CACNA1D: variants seen among roughly 807,000 people sequenced by gnomAD.
The protein encoded by CACNA1D is voltage-dependent L-type calcium channel subunit alpha-1D.
Under a neutral mutation model 257.1 loss-of-function variants are expected in CACNA1D, and 55 were observed. The observed-to-expected ratio is 0.21, with a 90% CI of 0.17 to 0.27. The LOEUF is 0.27. Among genes scored for constraint, CACNA1D ranks in the 10% least tolerant of loss-of-function variants. The pLI is 1.00. For missense variants in CACNA1D, 1,876 were observed against 2,784.0 expected (o/e 0.67, Z 7.34); for synonymous variants, 980 against 1,014.9 (o/e 0.97, Z 0.65).
chr3:53,592,194 C>T (rs550064895), intron 3 of CACNA1D, among the ~76,000 whole-genome samples: 9 of 152,272 alleles, frequency 5.9e-5, no homozygotes, highest in Middle Eastern at 3.4e-3. Flanking sequence ...GGTGGTGCTT[C>T]GATTCTAGCA....
At chr3:53,773,253 C>CAG in intron 33 of CACNA1D, 4 of 323,670 alleles carry the variant, frequency 1.2e-5, no homozygotes, top group Non-Finnish European at 1.7e-5. Flanking sequence ...CTGTGCCGAG[C>CAG]CGTCGCGGGA....
Position 53,495,076 on chromosome 3 carries a change from A to C in CACNA1D, c.-91A>C. The C allele has an allele frequency of 2.3e-6, 2 of 881,196 alleles. No homozygotes were observed. The highest frequency in any genetic ancestry group is 1.3e-5 in the South Asian group (1 of 77,058). 54.6% of individuals were successfully genotyped at this position (881,196 alleles called of 1,614,324 possible). A position where few individuals can be genotyped will look rare whatever the true frequency, so the allele number is the denominator to read the frequency against. ...AATAAGGGCAGGGACCGCGGCTCCT[A>C]CCTCTTGGTGATCCCCTTCCCCATT... On this transcript the variant is annotated 5_prime_UTR_variant, in exon 1 of 48. Transcript: ENST00000350061. This position sits in a 1 kb window ranked among gnomAD's most constrained non-coding sequence, Gnocchi z 5.1.
At chr3:53,655,148 T>G in intron 4 of CACNA1D, among the ~76,000 whole-genome samples, 1 of 152,226 alleles carries the variant, frequency 6.6e-6, no homozygotes, top group Admixed American at 6.5e-5. Context: ...AGAAATGATC[T>G]TGTCCTTTTT....
At chr3:53,798,191 C>A (rs975580839) in intron 40 of CACNA1D, among the ~76,000 whole-genome samples, 4 of 152,168 alleles carry the variant, frequency 2.6e-5, no homozygotes, top group Admixed American at 6.5e-5. Context: ...ATTACAGTTG[C>A]CTTCTTGATG....
At chr3:53,625,495 A>C (rs1266338012) in intron 3 of CACNA1D, among the ~76,000 whole-genome samples, 1 of 152,036 alleles carries the variant, frequency 6.6e-6, no homozygotes, top group African/African-American at 2.4e-5. Flanking sequence ...TTGCTTTAGG[A>C]CCCAAGCGGT....
Position 53,810,091 on chromosome 3 carries a change from G to C in CACNA1D, c.5985G>C (p.Pro1995=), listed in dbSNP as rs748225858. The C allele has an allele frequency of 6.2e-7, 1 of 1,613,926 alleles. No individual in the cohort carries two copies. Among genetic ancestry groups the C allele is most frequent in the Admixed American group, 1.7e-5 (1 of 60,026 alleles). Residue 1995 remains proline (P), a synonymous_variant, in exon 47 of 48, where the codon CCG becomes CCC. Transcript: ENST00000350061. ...CCCCTCCCTACCGGGACTGGACACC[G>C]TGCTACACCCCCCTGATCCAAGTGG... ...PATPPYRDWT[P]CYTPLIQVEQ...
At chr3:53,637,448 T>C (rs2093897635) in intron 3 of CACNA1D, among the ~76,000 whole-genome samples, 2 of 152,230 alleles carry the variant, frequency 1.3e-5, no homozygotes, top group South Asian at 4.1e-4. Flanking sequence ...AAGGTTTTTT[T>C]TTTGGAGCAA....
intron 3 of CACNA1D, among the ~76,000 whole-genome samples, chr3:53,522,424 C>T (rs2091614856): frequency 6.7e-6 from 1 of 150,192 alleles, no homozygotes; most frequent in Non-Finnish European, 1.5e-5. Flanking sequence ...CAGGCAGAGA[C>T]ACTTCTTCTG....
chr3:53,764,027 G>A lies in CACNA1D; in HGVS notation c.3870+1946G>A, dbSNP rs183197963. Among the ~76,000 whole-genome samples the A allele has an allele frequency of 1.4e-4, 21 of 152,304 alleles. No individual in the cohort carries two copies. The East Asian group carries it at 3.7e-3, about 27-fold the overall frequency. On this transcript the variant is annotated intron_variant, in intron 30 of 47. Transcript: ENST00000350061. ...GTAAAACAGACTGTCAGACGTGACT[G>A]TGCCCATGAGGGTGTGATTTAAGCC... is the stretch of plus-strand genomic sequence containing the variant.
intron 3 of CACNA1D, among the ~76,000 whole-genome samples, chr3:53,597,427 G>A (rs914626562): frequency 2.6e-5 from 4 of 152,222 alleles, no homozygotes; most frequent in African/African-American, 9.6e-5. Flanking sequence ...AGGTAGTGGA[G>A]TGGGGATGAA....
intron 8 of CACNA1D, among the ~76,000 whole-genome samples, chr3:53,694,996 A>G (rs1187555555): frequency 6.6e-6 from 1 of 152,134 alleles, no homozygotes; most frequent in African/African-American, 2.4e-5. Context: ...GGCGCATACC[A>G]TTGTTCTGTC....
rs187993735 is a variant in CACNA1D at position 53,789,360 on chromosome 3, G to A, written c.4923+2408G>A. Among the ~76,000 whole-genome samples, 8 of 151,978 alleles carry A rather than the reference G, an allele frequency of 5.3e-5. No homozygotes were observed. The highest frequency in any genetic ancestry group is 3.9e-4 in the East Asian group (2 of 5,186). On this transcript the variant is annotated intron_variant, in intron 40 of 47. Transcript: ENST00000350061. The surrounding 1 kb of genome is among the most constrained non-coding windows in gnomAD (Gnocchi z 4.2). ...AACATTAAACATAGACATTTTTTTTGTCTCCTTGAAGGATAATTCTAATTG... is the reference window on the plus strand; with the variant it reads ...AACATTAAACATAGACATTTTTTTTATCTCCTTGAAGGATAATTCTAATTG...
At chr3:53,714,945 C>T (rs972541006) in intron 9 of CACNA1D, among the ~76,000 whole-genome samples, 9 of 152,020 alleles carry the variant, frequency 5.9e-5, no homozygotes, top group African/African-American at 2.2e-4. Context: ...AAAATGAATG[C>T]CTAATGCAAG....
intron 3 of CACNA1D, among the ~76,000 whole-genome samples, chr3:53,638,893 T>C (rs1374781064): frequency 1.3e-5 from 2 of 152,204 alleles, no homozygotes; most frequent in African/African-American, 4.8e-5. Flanking sequence ...ATAACTTGAC[T>C]AACTTTCTCA....
chr3:53,514,728 C>T (rs1044727809), intron 3 of CACNA1D, among the ~76,000 whole-genome samples: 6 of 152,142 alleles, frequency 3.9e-5, no homozygotes, highest in Admixed American at 6.5e-5. Context: ...GAAGACCAGC[C>T]GGCTTGCTCT....
chr3:53,768,552 C>T lies in CACNA1D; in HGVS notation c.3871-1421C>T, dbSNP rs190629086. Among the ~76,000 whole-genome samples, 61 of 152,276 alleles carry T rather than the reference C, an allele frequency of 4.0e-4. 1 individual carries two copies. Among genetic ancestry groups the T allele is most frequent in the African/African-American group, 1.1e-3 (44 of 41,544 alleles). ...TAAGGAGCTGATATTTCTTTTGAGACGAACTAATAGAAGAGGGAAATAAAA... is the reference window on the plus strand; with the variant it reads ...TAAGGAGCTGATATTTCTTTTGAGATGAACTAATAGAAGAGGGAAATAAAA... On this transcript the variant is annotated intron_variant, in intron 30 of 47. Coordinates refer to ENST00000350061, the MANE Select transcript of CACNA1D (RefSeq NM_001128840.3).
intron 3 of CACNA1D, among the ~76,000 whole-genome samples, chr3:53,605,746 C>G (rs2093501468): frequency 6.6e-6 from 1 of 152,216 alleles, no homozygotes; most frequent in Non-Finnish European, 1.5e-5. Context: ...TCCTATGATG[C>G]AGGTCTGTTC....
At chr3:53,787,425 C>CTGTGTGTGTGTGTGTG (rs3217446) in intron 40 of CACNA1D, among the ~76,000 whole-genome samples, 2,100 of 135,996 alleles carry the variant, frequency 0.015, 30 homozygotes, top group Admixed American at 0.032. Context: ...AGTATGTATT[C>CTGTGTGTGTGTGTGTG]TGTGTGTGTG....
At chr3:53,742,808 A>G (rs1460889522) in intron 21 of CACNA1D, among the ~76,000 whole-genome samples, 1 of 152,224 alleles carries the variant, frequency 6.6e-6, no homozygotes, top group Non-Finnish European at 1.5e-5. Context: ...TTCTTCTTTT[A>G]AAATGTATCC....
Sources: allele counts gnomAD v4.1 joint callset (sites outside exome capture counted in the v4.1 genomes callset), GRCh38; gene constraint gnomAD v4.1.1; non-coding constraint Gnocchi (gnomAD v3.1); transcripts MANE v1.5; gene names NCBI Gene and HGNC (gene_info 2026-07-23, HGNC 2026-07-21).